DCAF5: variants seen among roughly 807,000 people sequenced by gnomAD.
DCAF5 encodes DDB1- and CUL4-associated factor 5.
A neutral mutation model predicts 80.7 loss-of-function variants in DCAF5; 9 were observed. The ratio of observed to expected loss-of-function variants is 0.11; its 90% CI spans 0.07 to 0.19. DCAF5 has a LOEUF of 0.19. Ranked by LOEUF, DCAF5 falls within the 10% of genes least tolerant of loss-of-function variation. The pLI is 1.00. For synonymous variants in DCAF5, 433 were observed against 461.9 expected, an observed-to-expected ratio of 0.94 and a Z score of 0.80; for missense variants, 842 against 1,205.7, an observed-to-expected ratio of 0.70 and a Z score of 4.47.
At chr14:69,095,323 G>T (rs1329893944) in intron 5 of DCAF5, among the ~76,000 whole-genome samples, 1 of 152,094 alleles carries the variant, frequency 6.6e-6, no homozygotes, top group Non-Finnish European at 1.5e-5. Context: ...TGTTAACAGT[G>T]AATTCAAATA....
At chr14:69,070,646 T>G (rs953484487) in intron 7 of DCAF5, among the ~76,000 whole-genome samples, 1 of 152,210 alleles carries the variant, frequency 6.6e-6, no homozygotes, top group Non-Finnish European at 1.5e-5. Context: ...GCTGGTCTAC[T>G]TATTTTATTT....
intron 1 of DCAF5, among the ~76,000 whole-genome samples, chr14:69,122,918 C>T (rs951516707): frequency 2.0e-5 from 3 of 152,182 alleles, no homozygotes; most frequent in Admixed American, 6.5e-5. Flanking sequence ...CTTAACTCTG[C>T]GTAACTTTGG....
chr14:69,129,574 G>C (rs545145144), intron 1 of DCAF5, among the ~76,000 whole-genome samples: 21 of 152,320 alleles, frequency 1.4e-4, no homozygotes, highest in African/African-American at 4.8e-4. Context: ...CTCCTAGTCA[G>C]TTCAGAAAGG....
At chr14:69,064,426 G>C (rs2038352210) in intron 7 of DCAF5, among the ~76,000 whole-genome samples, 1 of 152,126 alleles carries the variant, frequency 6.6e-6, no homozygotes, top group African/African-American at 2.4e-5. Context: ...CTCAAAAAGA[G>C]GGGGGATGTG....
chr14:69,063,691 C>A (rs2038320334), intron 7 of DCAF5, among the ~76,000 whole-genome samples: 1 of 152,174 alleles, frequency 6.6e-6, no homozygotes, highest in South Asian at 2.1e-4. Context: ...ATGTCCCTTC[C>A]CCAGAAATAA....
chr14:69,059,620 T>C (rs959410258), intron 8 of DCAF5, among the ~76,000 whole-genome samples: 2 of 152,188 alleles, frequency 1.3e-5, no homozygotes, highest in African/African-American at 2.4e-5. Flanking sequence ...GTAATTCCAA[T>C]TGAGATGAGG....
chr14:69,144,084 T>C (rs1251893550), intron 1 of DCAF5: 1 of 152,176 alleles, frequency 6.6e-6, no homozygotes, highest in East Asian at 1.9e-4. Context: ...CACTCACTTA[T>C]GACAATTAAT....
Position 69,147,878 on chromosome 14 carries a change from C to T in DCAF5, c.214+4887G>A, listed in dbSNP as rs543811957. Among the ~76,000 whole-genome samples, 4 of 152,230 alleles carry T rather than the reference C, an allele frequency of 2.6e-5. 1 individual carries two copies. The East Asian group carries it at 7.7e-4, about 29-fold the overall frequency. Reference sequence around the variant, plus strand: ...AACTTCATACTTATGGGTTATTCTGCTAGCTCTATAAGTTCCAATGCCTTA... The same window carrying T: ...AACTTCATACTTATGGGTTATTCTGTTAGCTCTATAAGTTCCAATGCCTTA... On this transcript the variant is annotated intron_variant, in intron 1 of 8. Transcript: ENST00000341516.
rs1399300234 is a variant in DCAF5, at chr14:69,055,644, G to A, written c.1075-33C>T. On this transcript the variant is annotated intron_variant, in intron 8 of 8. Transcript: ENST00000341516. The surrounding 1 kb of genome is among the most constrained non-coding windows in gnomAD (Gnocchi z 5.6). ...GAAAATGAAAAACAAAAGCAACAAG[G>A]AGTAACTGGAAAGTATTCTTTCACT... 6.4e-7 allele frequency: 1 copy of A among 1,562,736 alleles called. No homozygotes were observed. The highest frequency in any genetic ancestry group is 1.8e-5 in the Admixed American group (1 of 55,838).
chr14:69,132,497 T>A (rs1343074930), intron 1 of DCAF5, among the ~76,000 whole-genome samples: 1 of 152,192 alleles, frequency 6.6e-6, no homozygotes, highest in Non-Finnish European at 1.5e-5. Context: ...CACTTTTCTA[T>A]TCACTCACCC....
At chr14:69,095,660 G>C (rs1036857090) in intron 5 of DCAF5, among the ~76,000 whole-genome samples, 1 of 152,210 alleles carries the variant, frequency 6.6e-6, no homozygotes, top group African/African-American at 2.4e-5. Context: ...GAACACAAGA[G>C]AAACAGGCCA....
At chr14:69,089,135 CT>C (rs2039444508) in intron 6 of DCAF5, 1 of 152,560 alleles carries the variant, frequency 6.6e-6, no homozygotes, top group African/African-American at 2.4e-5. Context: ...CTTATCAATC[CT>C]GATTTACAGT....
intron 6 of DCAF5, among the ~76,000 whole-genome samples, chr14:69,088,515 C>G (rs1237960163): frequency 6.6e-6 from 1 of 152,100 alleles, no homozygotes; most frequent in South Asian, 2.1e-4. Flanking sequence ...CCTAGTGAAC[C>G]TAGGATAGTT....
intron 1 of DCAF5, among the ~76,000 whole-genome samples, chr14:69,140,844 C>T (rs1440121263): frequency 6.6e-6 from 1 of 151,946 alleles, no homozygotes; most frequent in Non-Finnish European, 1.5e-5. Context: ...AGGCCAGGAG[C>T]GGTAGCTCAC....
At chr14:69,119,388 T>C (rs962628154) in intron 2 of DCAF5, among the ~76,000 whole-genome samples, 158 bp from the exon 3 acceptor site, 4 of 152,112 alleles carry the variant, frequency 2.6e-5, no homozygotes, top group Admixed American at 2.6e-4. Context: ...ATAGAAATAA[T>C]TTAAGAAGGA....
chr14:69,063,187 T>C (rs1419279495), intron 7 of DCAF5, among the ~76,000 whole-genome samples: 1 of 152,164 alleles, frequency 6.6e-6, no homozygotes, highest in Non-Finnish European at 1.5e-5. Context: ...ATGTATAGAT[T>C]AAAGTCAAGA....
At chr14:69,072,344 G>A (rs1048405339) in intron 7 of DCAF5, among the ~76,000 whole-genome samples, 2 of 151,990 alleles carry the variant, frequency 1.3e-5, no homozygotes, top group South Asian at 4.1e-4. Flanking sequence ...TTATATAGCT[G>A]TATTACTTTG....
At chr14:69,134,345 T>C (rs1329676046) in intron 1 of DCAF5, among the ~76,000 whole-genome samples, 3 of 152,212 alleles carry the variant, frequency 2.0e-5, no homozygotes, top group Non-Finnish European at 4.4e-5. Context: ...TTAGACTTTA[T>C]AGTAATGTCA....
intron 1 of DCAF5, among the ~76,000 whole-genome samples, chr14:69,126,240 C>T (rs1566777957): frequency 6.6e-6 from 1 of 151,270 alleles, no homozygotes. Context: ...TCACTGCAAC[C>T]TCTGCCTCCC....
Sources: gnomAD v4.1 joint callset for allele counts (sites outside exome capture counted in the v4.1 genomes callset) on GRCh38, gnomAD v4.1.1 for gene constraint, Gnocchi (gnomAD v3.1) non-coding constraint, MANE v1.5 for transcripts, NCBI Gene and HGNC (gene_info 2026-07-23, HGNC 2026-07-21) for gene names.